Variants in UBA3 observed in about 807,000 individuals in gnomAD.
UBA3 encodes NEDD8-activating enzyme E1 catalytic subunit.
A neutral mutation model predicts 73.5 loss-of-function variants in UBA3; 26 were observed. The observed-to-expected ratio is 0.35, with a 90% CI of 0.26 to 0.49. The LOEUF (loss-of-function observed/expected upper bound fraction) is 0.49, where lower values mean the gene tolerates loss of function less well. Among genes scored for constraint, UBA3 ranks in the 20% least tolerant of loss-of-function variants. UBA3 has a pLI of 0.98. For synonymous variants in UBA3, 217 were observed against 191.2 expected (o/e 1.13, Z -1.11); for missense variants, 495 against 555.6 (o/e 0.89, Z 1.10).
chr3:69,068,746 T>C (rs1323923262), intron 5 of UBA3, among the ~76,000 whole-genome samples: 2 of 152,086 alleles, frequency 1.3e-5, no homozygotes, highest in Non-Finnish European at 2.9e-5. Context: ...CACAACCAGC[T>C]AGTTTTTGTA....
rs767650270 is a variant in UBA3 at position 69,061,778 on chromosome 3, CCCAACATCATA to C, written c.910+25_910+35del. ...TGAAAGCATCCCAGCCCTAAGTCAT[CCCAACATCATA>C]ATTCATGACAATTTGCTGACTTACC... On this transcript the variant is annotated intron_variant, in intron 11 of 17. Transcript: ENST00000361055. 17 of 1,405,062 alleles carry C rather than the reference CCCAACATCATA, an allele frequency of 1.2e-5. No homozygotes were observed. The East Asian group carries it at 3.7e-4, about 30-fold the overall frequency. The allele number at this position is 1,405,062 out of a possible 1,614,324, so 87.0% of individuals were successfully genotyped here.
intron 6 of UBA3, 116 bp downstream of exon 6, chr3:69,067,812 T>C: frequency 1.6e-6 from 1 of 642,552 alleles, no homozygotes; most frequent in Non-Finnish European, 2.6e-6. Flanking sequence ...GTAATAAAGT[T>C]ACTACTGCTG....
intron 2 of UBA3, 174 bp downstream of exon 2, chr3:69,079,938 G>T: frequency 3.5e-6 from 2 of 573,938 alleles, no homozygotes. Flanking sequence ...TACCGGGAGC[G>T]GCCCGCCAGG....
chr3:69,067,372 C>T (rs374389134), intron 6 of UBA3, among the ~76,000 whole-genome samples: 4 of 152,092 alleles, frequency 2.6e-5, no homozygotes, highest in South Asian at 2.1e-4. Context: ...ACAAGTTCAC[C>T]GGTATGTTGA....
intron 11 of UBA3, among the ~76,000 whole-genome samples, chr3:69,057,876 G>C (rs1215913282): frequency 6.7e-6 from 1 of 148,178 alleles, no homozygotes; most frequent in Non-Finnish European, 1.5e-5. Context: ...TACAACCGAG[G>C]CTACACAAAA....
At position 69,056,030 on chromosome 3, in the gene UBA3, T is replaced by C. The variant is rs1252233331; in HGVS notation, c.1218A>G (p.Leu406=). The C allele has an allele frequency of 6.2e-7, 1 of 1,606,592 alleles. No individual in the cohort carries two copies. The part of the protein sequence containing the change: ...QMKSPAITAT[L]EGKNRTLYLQ... ...AGTAAAGTGTTCTATTTTTTCCCTCTAGGGTGGCTGTGATGGCTGGAGATT... is the reference window on the plus strand; with the variant it reads ...AGTAAAGTGTTCTATTTTTTCCCTCCAGGGTGGCTGTGATGGCTGGAGATT... The change falls in exon 16 of 18, where the codon CTA becomes CTG. Residue 406 remains leucine (L), a synonymous_variant. Coordinates refer to ENST00000361055, the MANE Select transcript of UBA3 (RefSeq NM_003968.4).
Position 69,080,105 on chromosome 3 carries a change from C to CTT in UBA3, c.62+6_62+7insAA. On this transcript the variant is annotated splice_region_variant and intron_variant, in intron 2 of 17. Transcript: ENST00000361055. ...GGAGAGGGCCCCGGCCTCCCGGCAG[C>CTT]ACTAACTTCTCAGCCAGCAGCTCCT... 6.2e-7 allele frequency: 1 copy of CTT among 1,608,712 alleles called. No individual in the cohort carries two copies. Among genetic ancestry groups the CTT allele is most frequent in the Non-Finnish European group, 8.5e-7 (1 of 1,178,650 alleles).
chr3:69,055,547 T>A, intron 17 of UBA3, 22 bp from the exon 18 acceptor site: 1 of 1,540,754 alleles, frequency 6.5e-7, no homozygotes, highest in Non-Finnish European at 8.8e-7. Flanking sequence ...AAAATATTAT[T>A]AATACAAGCA....
Position 69,057,577 on chromosome 3 carries a change from A to C in UBA3, c.911-268T>G, listed in dbSNP as rs570797710. 2.5e-4 allele frequency among the ~76,000 whole-genome samples: 38 copies of C among 152,344 alleles called. No individual in the cohort carries two copies. The South Asian group carries it at 3.9e-3, about 16-fold the overall frequency. On this transcript the variant is annotated intron_variant, in intron 11 of 17. Transcript: ENST00000361055. ...ATAACATCATAATAGTTAACAATTT[A>C]GAGTATTATGTTCCAGGCACAATGT...
chr3:69,068,486 A>C (rs1448211525), intron 5 of UBA3, among the ~76,000 whole-genome samples: 3 of 151,554 alleles, frequency 2.0e-5, no homozygotes, highest in African/African-American at 7.3e-5. Context: ...TCCCCTAAGA[A>C]GCTGCATGAA....
In UBA3 at chr3:69,061,846, T is replaced by C. The variant is rs763136791; in HGVS notation, c.878A>G (p.Asn293Ser). 1 of 1,609,744 alleles carries C rather than the reference T, an allele frequency of 6.2e-7. No homozygotes were observed. The highest frequency in any genetic ancestry group is 8.5e-7 in the Non-Finnish European group (1 of 1,178,264). Residue 293 changes from asparagine to serine, a missense_variant, in exon 11 of 18, where the codon AAT (asparagine) becomes AGT (serine). Physicochemically the swap from Asn to Ser is conservative, Grantham distance 46. Transcript: ENST00000361055. ...GAGCCTATACGTAACACCCCTAATA[T>C]TATATTGTGATGCTCTCTCTAGGGA... ...QKSLERASQY[N>S]IRGVTYRLTQ...
intron 4 of UBA3, among the ~76,000 whole-genome samples, chr3:69,073,072 C>A (rs557393387): frequency 4.6e-5 from 7 of 152,306 alleles, no homozygotes; most frequent in Admixed American, 1.3e-4. Context: ...CCCCTCTCTG[C>A]TCTTCCCTTA....
chr3:69,080,226 G>T, intron 1 of UBA3, 73 bp from the exon 2 acceptor site: 1 of 1,115,494 alleles, frequency 9.0e-7, no homozygotes, highest in Non-Finnish European at 1.3e-6. Context: ...GGGGCGAGGG[G>T]ACGGGGCGGG....
At chr3:69,065,516 C>A (rs915323933) in intron 6 of UBA3, among the ~76,000 whole-genome samples, 1 of 152,240 alleles carries the variant, frequency 6.6e-6, no homozygotes. Flanking sequence ...ATAAAGATCT[C>A]TCTGCAGCCT....
chr3:69,068,601 C>CGGA (rs767716117), intron 5 of UBA3, among the ~76,000 whole-genome samples: 1 of 149,588 alleles, frequency 6.7e-6, no homozygotes, highest in Non-Finnish European at 1.5e-5. Flanking sequence ...CTTTTTGAGA[C>CGGA]GGAGTCTCAC....
At chr3:69,057,181 A>T (rs2091981122) in intron 12 of UBA3, 75 bp downstream of exon 12, 1 of 1,449,722 alleles carries the variant, frequency 6.9e-7, no homozygotes, top group Non-Finnish European at 9.6e-7. Flanking sequence ...AAATTCCTAC[A>T]ACACAAAAAA....
intron 11 of UBA3, among the ~76,000 whole-genome samples, chr3:69,057,530 A>G (rs2107480114): frequency 6.6e-6 from 1 of 152,356 alleles, no homozygotes; most frequent in East Asian, 1.9e-4. Context: ...CTCTCAAGTA[A>G]GTGCTATAGA....
Position 69,059,909 on chromosome 3 carries a change from AC to A in UBA3, c.910+1904del, listed in dbSNP as rs544775490. Among the ~76,000 whole-genome samples, 49 of 152,334 alleles carry A rather than the reference AC, an allele frequency of 3.2e-4. 1 individual carries two copies. In the South Asian group the frequency reaches 9.9e-3, roughly 31 times the overall value. On this transcript the variant is annotated intron_variant, in intron 11 of 17. Transcript: ENST00000361055. ...CATGTTGGAGTAGCCTCATTTGGCTACTATGACTAACTTAGCAACTCAGGAA... is the reference window on the plus strand; with the variant it reads ...CATGTTGGAGTAGCCTCATTTGGCTATATGACTAACTTAGCAACTCAGGAA...
chr3:69,079,242 G>A (rs1460655319), intron 2 of UBA3, among the ~76,000 whole-genome samples: 1 of 152,190 alleles, frequency 6.6e-6, no homozygotes, highest in African/African-American at 2.4e-5. Flanking sequence ...ACAGTACGTG[G>A]GATATGGTAA....
Sources: gnomAD v4.1 joint callset for allele counts (sites outside exome capture counted in the v4.1 genomes callset) on GRCh38, gnomAD v4.1.1 for gene constraint, MANE v1.5 for transcripts, NCBI Gene and HGNC (gene_info 2026-07-23, HGNC 2026-07-21) for gene names.